MRPL23: variants seen among roughly 807,000 people sequenced by gnomAD.
The protein encoded by MRPL23 is mitochondrial ribosomal protein L23, also known as large ribosomal subunit protein uL23m.
For missense variants in MRPL23, 25 were observed against 81.3 expected, an observed-to-expected ratio of 0.31 and a Z score of 2.66; for synonymous variants, 12 against 34.8, an observed-to-expected ratio of 0.35 and a Z score of 2.30.
rs1187467235 is a variant in MRPL23, at chr11:1,983,530, T to C, written c.498-908T>C. On this transcript the variant is annotated intron_variant, in intron 5 of 5. Transcript: ENST00000397297. ...ACGGGCCGTCCCTGGCTCGACCCTG[T>C]GCCCAGGGCAGGGTCAGGCCCAGTG... 3.0e-5 allele frequency: 3 copies of C among 99,118 alleles called. No individual in the cohort carries two copies. In the East Asian group the frequency reaches 9.9e-4, roughly 33 times the overall value. The allele number at this position is 99,118 out of a possible 1,614,324, so 6.1% of individuals were successfully genotyped here.
rs1008111921 is a variant in MRPL23 at position 1,951,252 on chromosome 11, AGGCTGCACGCCGCCCTCCACCC to A, written c.140+234_140+255del. ...CCTGTAGGTGTGGAGCCCGGCAGGCAGGCTGCACGCCGCCCTCCACCCGGGGACGGCTTCACTGGAAGCCTTA... is the reference window on the plus strand; with the variant it reads ...CCTGTAGGTGTGGAGCCCGGCAGGCAGGGGACGGCTTCACTGGAAGCCTTA... On this transcript the variant is annotated intron_variant, in intron 2 of 4. Transcript: ENST00000397298. Among the ~76,000 whole-genome samples, 4 of 102,774 alleles carry A rather than the reference AGGCTGCACGCCGCCCTCCACCC, an allele frequency of 3.9e-5. 1 individual carries two copies. Among genetic ancestry groups the A allele is most frequent in the South Asian group, 4.0e-4 (1 of 2,488 alleles). The allele number at this position is 102,774 out of a possible 152,430, so 67.4% of individuals were successfully genotyped here.
At chr11:1,993,287 A>G in the MRPL23 span, 2 of 93,276 alleles carry the variant, frequency 2.1e-5, 1 homozygote. Flanking sequence ...CAAGCGTGTC[A>G]TTCATACACC....
At chr11:1,963,696 G>A (rs148887970), downstream of MRPL23, among the ~76,000 whole-genome samples, 149 of 145,094 alleles carry the variant, frequency 1.0e-3, 6 homozygotes, top group African/African-American at 3.5e-3. Context: ...GATGCTGCTC[G>A]CCTCCTTCCC....
At chr11:1,991,880 G>A in the MRPL23 span, 4 of 135,104 alleles carry the variant, frequency 3.0e-5, no homozygotes, top group African/African-American at 1.0e-4. Flanking sequence ...AGGGTGCATT[G>A]TAGTCAGACC....
At position 1,950,750 on chromosome 11, in the gene MRPL23, G is replaced by T. The variant is rs566645615; in HGVS notation, c.18-149G>T. On this transcript the variant is annotated intron_variant, in intron 1 of 4. Coordinates refer to ENST00000397298, the MANE Select transcript of MRPL23 (RefSeq NM_021134.4). Reference sequence around the variant, plus strand: ...GCTACCCCGTTTCCCGCCCACCACTGTTGGGAGTGGACACTCAGGGATCCG... The same window carrying T: ...GCTACCCCGTTTCCCGCCCACCACTTTTGGGAGTGGACACTCAGGGATCCG... The T allele has an allele frequency of 2.6e-5, 3 of 114,722 alleles. 1 individual carries two copies. The highest frequency in any genetic ancestry group is 1.6e-4 in the African/African-American group (3 of 18,298). 7.1% of individuals were successfully genotyped at this position (114,722 alleles called of 1,614,324 possible). A position where few individuals can be genotyped will look rare whatever the true frequency, so the allele number is the denominator to read the frequency against.
the MRPL23 span, among the ~76,000 whole-genome samples, chr11:1,991,722 C>T: frequency 7.9e-6 from 1 of 126,358 alleles, no homozygotes; most frequent in African/African-American, 2.6e-5. Context: ...AGGGCCCCCG[C>T]CCGGACCCAC....
Position 1,953,680 on chromosome 11 carries a change from C to T in MRPL23, c.297+825C>T, listed in dbSNP as rs114162007. Among the ~76,000 whole-genome samples the T allele has an allele frequency of 3.0e-5, 3 of 101,440 alleles. 1 individual carries two copies. Among genetic ancestry groups the T allele is most frequent in the Non-Finnish European group, 5.9e-5 (3 of 50,940 alleles). The allele number at this position is 101,440 out of a possible 152,430, so 66.5% of individuals were successfully genotyped here. On this transcript the variant is annotated intron_variant, in intron 4 of 4. Coordinates refer to ENST00000397298, the MANE Select transcript of MRPL23 (RefSeq NM_021134.4). Reference sequence around the variant, plus strand: ...GGGTTGTCTTCCGGTGTAAATGGTCCCTGGAGGCCGAGCCGGCGGGCCCTG... The same window carrying T: ...GGGTTGTCTTCCGGTGTAAATGGTCTCTGGAGGCCGAGCCGGCGGGCCCTG...
intron 5 of MRPL23, among the ~76,000 whole-genome samples, chr11:1,979,044 A>G (rs1424914166): frequency 6.8e-6 from 1 of 146,462 alleles, no homozygotes; most frequent in African/African-American, 2.4e-5. Flanking sequence ...TGGTTGCGTA[A>G]TCACTGACTG....
chr11:1,977,707 ATGGCTCCG>A (rs985382617), downstream of MRPL23, among the ~76,000 whole-genome samples: 1 of 81,760 alleles, frequency 1.2e-5, no homozygotes, highest in Non-Finnish European at 2.2e-5. Flanking sequence ...TGTGTGCTCC[ATGGCTCCG>A]TGGCTCCGTG....
intron 4 of MRPL23, among the ~76,000 whole-genome samples, chr11:1,971,150 A>G (rs575010128): frequency 2.8e-5 from 4 of 142,748 alleles, no homozygotes; most frequent in South Asian, 2.7e-4. Flanking sequence ...TCTTTCCCCA[A>G]TGCTGTGGCC....
At chr11:1,994,622 C>T in the MRPL23 span, among the ~76,000 whole-genome samples, 1 of 89,982 alleles carries the variant, frequency 1.1e-5, no homozygotes, top group African/African-American at 2.8e-5. Flanking sequence ...GTCCCTCCGG[C>T]GTGGCCCCGG....
downstream of MRPL23, among the ~76,000 whole-genome samples, chr11:1,988,892 C>T (rs1290628032): frequency 6.9e-6 from 1 of 145,828 alleles, no homozygotes; most frequent in African/African-American, 2.4e-5. Context: ...CAAGCCTCTC[C>T]AGCCGCTCCC....
At chr11:1,994,589 C>G in the MRPL23 span, among the ~76,000 whole-genome samples, 1 of 96,148 alleles carries the variant, frequency 1.0e-5, no homozygotes, top group African/African-American at 2.7e-5. Context: ...CCCCCACAAC[C>G]CCCTGGCTCC....
intron 5 of MRPL23, among the ~76,000 whole-genome samples, chr11:1,982,617 AG>A (rs1327333752): frequency 1.7e-5 from 1 of 59,660 alleles, no homozygotes; most frequent in African/African-American, 4.6e-5. Flanking sequence ...CATCCAGGCC[AG>A]GGGCCATGGA....
Position 1,951,698 on chromosome 11 carries a change from C to T in MRPL23, c.141-429C>T, listed in dbSNP as rs766391907. On this transcript the variant is annotated intron_variant, in intron 2 of 4. Transcript: ENST00000397298. ...GGTACTTCCTAGAACCGCATCAGTC[C>T]CATCAGCCGCAGAGCAGGCCTAACC... Among the ~76,000 whole-genome samples, 16 of 95,882 alleles carry T rather than the reference C, an allele frequency of 1.7e-4. 3 individuals carry two copies. Among genetic ancestry groups the T allele is most frequent in the Admixed American group, 2.8e-4 (2 of 7,126 alleles). 62.9% of individuals were successfully genotyped at this position (95,882 alleles called of 152,430 possible). A position where few individuals can be genotyped will look rare whatever the true frequency, so the allele number is the denominator to read the frequency against.
the MRPL23 span, chr11:1,991,397 CG>C: frequency 3.4e-5 from 1 of 29,222 alleles, no homozygotes; most frequent in African/African-American, 9.6e-5. Context: ...GAAGGAGGGA[CG>C]GGGCGCAGGC....
intron 5 of MRPL23, chr11:1,983,449 A>T (rs1448331486): frequency 1.5e-5 from 1 of 68,822 alleles, no homozygotes; most frequent in Non-Finnish European, 3.2e-5. Context: ...TGCCACCTAG[A>T]ACTGGGGAAG....
chr11:1,960,094 G>A (rs189128819), downstream of MRPL23, among the ~76,000 whole-genome samples: 89 of 103,598 alleles, frequency 8.6e-4, 22 homozygotes, highest in Admixed American at 3.3e-3. Context: ...ATAGCTGGAC[G>A]GCCCCACTTC....
At chr11:1,994,014 C>A in the MRPL23 span, among the ~76,000 whole-genome samples, 1 of 96,270 alleles carries the variant, frequency 1.0e-5, no homozygotes, top group African/African-American at 2.7e-5. Flanking sequence ...GGAGGCCAGA[C>A]CCAAGGGACG....
Sources: allele counts gnomAD v4.1 joint callset (sites outside exome capture counted in the v4.1 genomes callset), GRCh38; gene constraint gnomAD v4.1.1; transcripts MANE v1.5; gene names NCBI Gene and HGNC (gene_info 2026-07-23, HGNC 2026-07-21).